ADAM29: variants seen among roughly 807,000 people sequenced by gnomAD.
ADAM29 encodes ADAM metallopeptidase domain 29.
For missense variants in ADAM29, 969 were observed against 1,001.8 expected, an observed-to-expected ratio of 0.97 and a Z score of 0.44; for synonymous variants, 367 against 342.3, an observed-to-expected ratio of 1.07 and a Z score of -0.80.
intron 1 of ADAM29, among the ~76,000 whole-genome samples, chr4:174,919,941 G>A (rs1165673525): frequency 1.3e-5 from 2 of 152,088 alleles, no homozygotes; most frequent in African/African-American, 2.4e-5. Context: ...TGTCTGCCAC[G>A]TTGACTTTCA....
At chr4:174,965,508 TATCTATCTATCTATC>T (rs1186877787) in intron 4 of ADAM29, among the ~76,000 whole-genome samples, 14 of 151,864 alleles carry the variant, frequency 9.2e-5, no homozygotes, top group African/African-American at 3.4e-4. Context: ...TCTATCTATC[TATCTATCTATCTATC>T]ATCTATCATC....
chr4:174,976,918 C>G lies in ADAM29; in HGVS notation c.1393C>G (p.Pro465Ala). 6.2e-7 allele frequency: 1 copy of G among 1,614,066 alleles called. No homozygotes were observed. Among genetic ancestry groups the G allele is most frequent in the Non-Finnish European group, 8.5e-7 (1 of 1,180,014 alleles). ...AAAGGAGGTCAATGAATGTGATCTTCCAGAGTGGTGCAATGGTACTTCCCA... is the reference window on the plus strand; with the variant it reads ...AAAGGAGGTCAATGAATGTGATCTTGCAGAGTGGTGCAATGGTACTTCCCA... ...CRKEVNECDL[P>A]EWCNGTSHKC... The change falls in exon 5 of 5, where the codon CCA becomes GCA. Residue 465 changes from proline (P) to alanine (A), a missense_variant. Pro to Ala is a conservative substitution (Grantham distance 27). Transcript: ENST00000359240.
At chr4:174,958,252 G>A (rs1015379297) in intron 4 of ADAM29, among the ~76,000 whole-genome samples, 1 of 151,324 alleles carries the variant, frequency 6.6e-6, no homozygotes, top group South Asian at 2.1e-4. Flanking sequence ...GGGGGGGTGG[G>A]GAATTATCCA....
intron 4 of ADAM29, among the ~76,000 whole-genome samples, chr4:174,943,593 T>C (rs994899169): frequency 6.6e-6 from 1 of 152,108 alleles, no homozygotes; most frequent in Non-Finnish European, 1.5e-5. Context: ...GAGAACAGTA[T>C]GGGGGAAATC....
chr4:174,930,921 A>C (rs929592526), intron 2 of ADAM29, 65 bp from the exon 3 acceptor site: 3 of 152,076 alleles, frequency 2.0e-5, no homozygotes, highest in Non-Finnish European at 4.4e-5. Flanking sequence ...CAAACTGCTG[A>C]ATTTAAGCTT....
chr4:174,940,590 T>A (rs1027453327), intron 4 of ADAM29, among the ~76,000 whole-genome samples: 2 of 152,160 alleles, frequency 1.3e-5, no homozygotes, highest in African/African-American at 4.8e-5. Flanking sequence ...TAGGATCTTC[T>A]ATTTTGCCAA....
rs762890314 is a variant in ADAM29 at position 174,965,526 on chromosome 4, C to CATT, written c.-180-9820_-180-9819insATT. 5.0e-3 allele frequency among the ~76,000 whole-genome samples: 742 copies of CATT among 149,654 alleles called. 9 individuals are homozygous for CATT. Among genetic ancestry groups the CATT allele is most frequent in the Middle Eastern group, 0.021 (6 of 292 alleles). On this transcript the variant is annotated intron_variant, in intron 4 of 4. Coordinates refer to ENST00000359240, the MANE Select transcript of ADAM29 (RefSeq NM_014269.4). ...ATCTATCTATCTATCTATCTATCATCTATCATCTATTTACTTACCTATGTA... is the reference window on the plus strand; with the variant it reads ...ATCTATCTATCTATCTATCTATCATCATTTATCATCTATTTACTTACCTATGTA...
intron 1 of ADAM29, 82 bp downstream of exon 1, chr4:174,918,553 G>C (rs1421602744): frequency 6.6e-6 from 1 of 152,116 alleles, no homozygotes; most frequent in Non-Finnish European, 1.5e-5. Flanking sequence ...TCTGGGCATA[G>C]ATTAAACTGA....
chr4:174,935,679 T>G (rs1211651777), intron 3 of ADAM29, among the ~76,000 whole-genome samples: 1 of 152,114 alleles, frequency 6.6e-6, no homozygotes, highest in Non-Finnish European at 1.5e-5. Flanking sequence ...AGATTCCCAG[T>G]GCTGCAGTCC....
intron 3 of ADAM29, among the ~76,000 whole-genome samples, chr4:174,932,101 T>C (rs540205507): frequency 2.6e-5 from 4 of 152,070 alleles, no homozygotes; most frequent in South Asian, 2.1e-4. Context: ...CCAGCCTGAT[T>C]AACATGGTGA....
At chr4:174,934,584 A>G (rs1744095486) in intron 3 of ADAM29, among the ~76,000 whole-genome samples, 1 of 151,918 alleles carries the variant, frequency 6.6e-6, no homozygotes, top group African/African-American at 2.4e-5. Context: ...TATAACCAAA[A>G]CTCTTCTTTT....
At chr4:174,939,111 C>T (rs772538396) in intron 4 of ADAM29, among the ~76,000 whole-genome samples, 3 of 152,106 alleles carry the variant, frequency 2.0e-5, no homozygotes, top group Non-Finnish European at 2.9e-5. Flanking sequence ...TGCAAAGAGT[C>T]TTTCTGCAAA....
chr4:174,953,876 A>G (rs973438697), intron 4 of ADAM29, among the ~76,000 whole-genome samples: 2 of 151,970 alleles, frequency 1.3e-5, no homozygotes, highest in African/African-American at 4.8e-5. Flanking sequence ...TGCCCAGCTA[A>G]TTTTATTGTA....
At chr4:174,935,804 C>T (rs1479578657) in intron 3 of ADAM29, among the ~76,000 whole-genome samples, 1 of 152,018 alleles carries the variant, frequency 6.6e-6, no homozygotes, top group East Asian at 1.9e-4. Context: ...ACTTCTGAGT[C>T]AGCAATTTGG....
At chr4:174,931,874 A>G (rs1034609062) in intron 3 of ADAM29, among the ~76,000 whole-genome samples, 73 of 152,098 alleles carry the variant, frequency 4.8e-4, no homozygotes, top group African/African-American at 1.6e-3. Context: ...AGTGGGAGAG[A>G]CTGTTTTGAA....
At chr4:174,950,225 A>G (rs563902504) in intron 4 of ADAM29, among the ~76,000 whole-genome samples, 67 of 152,216 alleles carry the variant, frequency 4.4e-4, no homozygotes, top group Middle Eastern at 3.4e-3. Flanking sequence ...TTATATGTTC[A>G]TGTCTCTCAA....
At chr4:174,969,423 A>T (rs1746341592) in intron 4 of ADAM29, among the ~76,000 whole-genome samples, 1 of 151,948 alleles carries the variant, frequency 6.6e-6, no homozygotes, top group Admixed American at 6.6e-5. Context: ...CTTAAAAAAT[A>T]TCTTTTTTTC....
chr4:174,963,961 G>A (rs1035737416), intron 4 of ADAM29, among the ~76,000 whole-genome samples: 3 of 151,556 alleles, frequency 2.0e-5, no homozygotes, highest in Non-Finnish European at 2.9e-5. Context: ...GAGCCACTGT[G>A]CCTGGCCTAG....
rs200712287 is a variant in ADAM29 at position 174,977,737 on chromosome 4, C to T, written c.2212C>T (p.Pro738Ser). The T allele has an allele frequency of 3.7e-5, 60 of 1,604,406 alleles. No homozygotes were observed. Among genetic ancestry groups the T allele is most frequent in the Admixed American group, 3.3e-5 (2 of 59,784 alleles). Residue 738 changes from proline (P) to serine (S), a missense_variant, in exon 5 of 5, where the codon CCT (proline) becomes TCT (serine). By Grantham distance (74) the Pro-to-Ser change is moderately conservative (BLOSUM62 -1). Transcript: ENST00000359240. Reference sequence around the variant, plus strand: ...TCCCCAGAGTCAACCTTGGGTGATGCCTTCCCAGAGTCAACCTCCTGTGAC... The same window carrying T: ...TCCCCAGAGTCAACCTTGGGTGATGTCTTCCCAGAGTCAACCTCCTGTGAC... Reference protein sequence around the residue: ...LPPQSQPWVMPSQSQPPVTPS... With the variant: ...LPPQSQPWVMSSQSQPPVTPS...
Sources: allele counts gnomAD v4.1 joint callset (sites outside exome capture counted in the v4.1 genomes callset), GRCh38; gene constraint gnomAD v4.1.1; transcripts MANE v1.5; gene names NCBI Gene and HGNC (gene_info 2026-07-23, HGNC 2026-07-21).